Variants in NMNAT2 observed in about 807,000 individuals in gnomAD.
NMNAT2 encodes nicotinamide nucleotide adenylyltransferase 2, also known as nicotinamide/nicotinic acid mononucleotide adenylyltransferase 2.
A neutral mutation model predicts 41.6 loss-of-function variants in NMNAT2; 11 were observed. That is an observed-to-expected ratio of 0.26 (90% CI 0.17 to 0.44). The LOEUF is 0.44. Ranked by LOEUF, NMNAT2 falls within the 20% of genes least tolerant of loss-of-function variation. The probability of loss-of-function intolerance (pLI) is 1.00; values close to 1 mark genes in which losing one functional copy is unlikely to be tolerated. For synonymous variants in NMNAT2, 148 were observed against 151.2 expected (o/e 0.98, Z 0.16); for missense variants, 288 against 407.7 (o/e 0.71, Z 2.53).
Position 183,389,832 on chromosome 1 carries a change from GAAAGAAAGAA to G in NMNAT2, c.85+28341_85+28350del, listed in dbSNP as rs1557897774. On this transcript the variant is annotated intron_variant, in intron 1 of 10. Coordinates refer to ENST00000287713, the MANE Select transcript of NMNAT2 (RefSeq NM_015039.4). ...AGAAAGAAAGAAAGAAAGAAAGAAA[GAAAGAAAGAA>G]AGGAAAAAAGAGAAAGAAAGAAAGA... 9.4e-5 allele frequency among the ~76,000 whole-genome samples: 5 copies of G among 53,226 alleles called. 1 individual carries two copies. Among genetic ancestry groups the G allele is most frequent in the East Asian group, 2.2e-3 (2 of 904 alleles). 34.9% of individuals were successfully genotyped at this position (53,226 alleles called of 152,430 possible). A position where few individuals can be genotyped will look rare whatever the true frequency, so the allele number is the denominator to read the frequency against.
rs147935290 is a variant in NMNAT2 at position 183,337,816 on chromosome 1, C to A, written c.86-44023G>T. On this transcript the variant is annotated intron_variant, in intron 1 of 10. Coordinates refer to ENST00000287713, the MANE Select transcript of NMNAT2 (RefSeq NM_015039.4). ...TTGCCATTTTCCAAGGGTCTAAATG[C>A]CTCGTAGATGATTCTAGATGTCACA... Among the ~76,000 whole-genome samples the A allele has an allele frequency of 2.5e-3, 379 of 152,192 alleles. 1 individual carries two copies. Among genetic ancestry groups the A allele is most frequent in the African/African-American group, 8.6e-3 (357 of 41,492 alleles).
At chr1:183,309,657 C>T (rs1241558991) in intron 1 of NMNAT2, among the ~76,000 whole-genome samples, 1 of 152,116 alleles carries the variant, frequency 6.6e-6, no homozygotes, top group Non-Finnish European at 1.5e-5. Context: ...TAATCCCATC[C>T]TAAGAATATA....
chr1:183,380,616 C>G (rs1663784180), intron 1 of NMNAT2, among the ~76,000 whole-genome samples: 2 of 152,046 alleles, frequency 1.3e-5, no homozygotes, highest in South Asian at 4.1e-4. Flanking sequence ...ATAATGGGAT[C>G]AGAAGGGGTG....
intron 1 of NMNAT2, among the ~76,000 whole-genome samples, chr1:183,336,919 T>A (rs947172660): frequency 6.6e-6 from 1 of 152,138 alleles, no homozygotes; most frequent in African/African-American, 2.4e-5. Flanking sequence ...CACAGATAAG[T>A]CTGTTGGGAG....
intron 1 of NMNAT2, among the ~76,000 whole-genome samples, chr1:183,416,011 C>T (rs1473644103): frequency 1.1e-4 from 16 of 152,048 alleles, no homozygotes; most frequent in Admixed American, 1.0e-3. Flanking sequence ...AGTTCTTATA[C>T]TAAGTAAATA....
chr1:183,354,409 CTTTTTTTTTTTTTT>C (rs67663742), intron 1 of NMNAT2, among the ~76,000 whole-genome samples: 9 of 89,672 alleles, frequency 1.0e-4, no homozygotes, highest in Admixed American at 2.7e-4. Flanking sequence ...TCTTTAATGT[CTTTTTTTTTTTTTT>C]TTTTTTTTTG....
At chr1:183,411,475 T>G (rs1286037152) in intron 1 of NMNAT2, among the ~76,000 whole-genome samples, 2 of 152,074 alleles carry the variant, frequency 1.3e-5, no homozygotes, top group Non-Finnish European at 2.9e-5. Flanking sequence ...GGCAAATTTT[T>G]TGGAATTTTT....
intron 1 of NMNAT2, among the ~76,000 whole-genome samples, chr1:183,398,321 T>C (rs1297681509): frequency 6.6e-6 from 1 of 152,124 alleles, no homozygotes; most frequent in Non-Finnish European, 1.5e-5. Flanking sequence ...AGAAGGCCAG[T>C]ACATAATGGT....
chr1:183,251,818 G>T lies in NMNAT2; in HGVS notation c.*823C>A. 2 of 159,236 alleles carry T rather than the reference G, an allele frequency of 1.3e-5. No individual in the cohort carries two copies. The highest frequency in any genetic ancestry group is 3.3e-4 in the South Asian group (2 of 5,976). 9.9% of individuals were successfully genotyped at this position (159,236 alleles called of 1,614,324 possible). ...CGACTATTCACAGACTCGTGTCCCAGGTTTCAGAACCCGAAAATCTCACTC... is the reference window on the plus strand; with the variant it reads ...CGACTATTCACAGACTCGTGTCCCATGTTTCAGAACCCGAAAATCTCACTC... On this transcript the variant is annotated 3_prime_UTR_variant, in exon 11 of 11. Coordinates refer to ENST00000287713, the MANE Select transcript of NMNAT2 (RefSeq NM_015039.4).
Position 183,389,466 on chromosome 1 carries a change from C to A in NMNAT2, c.85+28717G>T, listed in dbSNP as rs143580400. On this transcript the variant is annotated intron_variant, in intron 1 of 10. Coordinates refer to ENST00000287713, the MANE Select transcript of NMNAT2 (RefSeq NM_015039.4). The stretch of plus-strand genomic sequence containing the variant: ...AGTCAAATTACATAACCTCTCGCCA[C>A]CTAGGTCTTCTCATCTTATAAATGT... Among the ~76,000 whole-genome samples, 459 of 152,092 alleles carry A rather than the reference C, an allele frequency of 3.0e-3. 1 individual carries two copies. Among genetic ancestry groups the A allele is most frequent in the African/African-American group, 0.011 (440 of 41,470 alleles).
intron 6 of NMNAT2, 90 bp from the exon 7 acceptor site, chr1:183,284,129 T>C (rs993268914): frequency 4.3e-5 from 50 of 1,166,418 alleles, no homozygotes; most frequent in Non-Finnish European, 5.7e-5. Flanking sequence ...GCAGGAATTA[T>C]TGGGATGGGG....
At chr1:183,267,728 C>G (rs574191511) in intron 8 of NMNAT2, among the ~76,000 whole-genome samples, 2 of 152,068 alleles carry the variant, frequency 1.3e-5, no homozygotes, top group Admixed American at 1.3e-4. Context: ...TTTTTCTGCT[C>G]GAGGGGACCA....
chr1:183,362,806 G>T (rs1347739028), intron 1 of NMNAT2, among the ~76,000 whole-genome samples: 1 of 152,170 alleles, frequency 6.6e-6, no homozygotes, highest in Non-Finnish European at 1.5e-5. Context: ...GGGACATATG[G>T]TAAGTCTATG....
At chr1:183,357,642 T>A (rs567179327) in intron 1 of NMNAT2, among the ~76,000 whole-genome samples, 5 of 152,222 alleles carry the variant, frequency 3.3e-5, no homozygotes, top group African/African-American at 7.2e-5. Flanking sequence ...CGTTCTTTTT[T>A]CTCCACAACC....
chr1:183,315,988 T>G (rs574680024), intron 1 of NMNAT2, among the ~76,000 whole-genome samples: 2 of 152,228 alleles, frequency 1.3e-5, no homozygotes, highest in Non-Finnish European at 2.9e-5. Context: ...CTTTAATTTT[T>G]GATTCTTAGA....
intron 1 of NMNAT2, among the ~76,000 whole-genome samples, chr1:183,412,227 G>A (rs953645329): frequency 6.6e-6 from 1 of 152,068 alleles, no homozygotes; most frequent in Non-Finnish European, 1.5e-5. Flanking sequence ...CTGTTTTTTT[G>A]TTTGTTTGTT....
chr1:183,393,696 T>C (rs2101922754), intron 1 of NMNAT2, among the ~76,000 whole-genome samples: 1 of 152,204 alleles, frequency 6.6e-6, no homozygotes, highest in Non-Finnish European at 1.5e-5. Context: ...GCTGGGATTA[T>C]AGGCACACAC....
intron 1 of NMNAT2, among the ~76,000 whole-genome samples, chr1:183,355,752 C>T (rs1002359645): frequency 7.2e-5 from 11 of 152,202 alleles, no homozygotes; most frequent in African/African-American, 2.7e-4. Flanking sequence ...GGCCTCCAGC[C>T]CGGATTGTGC....
chr1:183,328,021 C>A (rs566951572), intron 1 of NMNAT2, among the ~76,000 whole-genome samples: 2 of 152,174 alleles, frequency 1.3e-5, no homozygotes, highest in Non-Finnish European at 2.9e-5. Flanking sequence ...CAGCTGCCCC[C>A]ACAGCTTCTA....
Sources: allele counts gnomAD v4.1 joint callset (sites outside exome capture counted in the v4.1 genomes callset), GRCh38; gene constraint gnomAD v4.1.1; transcripts MANE v1.5; gene names NCBI Gene and HGNC (gene_info 2026-07-23, HGNC 2026-07-21).